Variants in CELF4 observed in about 807,000 individuals in gnomAD.
The protein encoded by CELF4 is CUG-BP- and ETR-3-like factor 4.
CELF4 carries 18 observed loss-of-function variants against 59.9 expected under a neutral mutation model. The observed-to-expected ratio is 0.30, with a 90% CI of 0.21 to 0.45. The LOEUF (loss-of-function observed/expected upper bound fraction) is 0.45. CELF4 is among the 20% of genes least tolerant of loss of function. The probability of loss-of-function intolerance (pLI) is 1.00; values close to 1 mark genes in which losing one functional copy is unlikely to be tolerated. For synonymous variants in CELF4, 261 were observed against 267.1 expected (o/e 0.98, Z 0.22); for missense variants, 456 against 689.0 (o/e 0.66, Z 3.79).
intron 2 of CELF4, among the ~76,000 whole-genome samples, chr18:37,437,881 C>T (rs965610116): frequency 2.0e-5 from 3 of 152,152 alleles, no homozygotes; most frequent in Admixed American, 6.5e-5. Flanking sequence ...TATGTTGAAA[C>T]CTGTATTGGG....
intron 2 of CELF4, among the ~76,000 whole-genome samples, chr18:37,343,091 G>A (rs961365056): frequency 1.3e-5 from 2 of 152,340 alleles, no homozygotes; most frequent in African/African-American, 4.8e-5. Context: ...AATCGCTGGT[G>A]TGCTAAGAAC....
At chr18:37,342,266 C>CAT (rs1557291629) in intron 2 of CELF4, among the ~76,000 whole-genome samples, 4 of 151,550 alleles carry the variant, frequency 2.6e-5, no homozygotes, top group Non-Finnish European at 5.9e-5. Context: ...CACACACACA[C>CAT]GCTGGGCACA....
At chr18:37,446,242 A>G (rs553875113) in intron 2 of CELF4, among the ~76,000 whole-genome samples, 2 of 152,298 alleles carry the variant, frequency 1.3e-5, no homozygotes, top group South Asian at 4.1e-4. Flanking sequence ...TTGAACCCTC[A>G]TTACCCATGT....
At position 37,404,097 on chromosome 18, in the gene CELF4, T is replaced by A. The variant is rs1484187095; in HGVS notation, c.369+81428A>T. Among the ~76,000 whole-genome samples, 5 of 152,194 alleles carry A rather than the reference T, an allele frequency of 3.3e-5. No homozygotes were observed. The East Asian group carries it at 9.6e-4, about 29-fold the overall frequency. On this transcript the variant is annotated intron_variant, in intron 2 of 12. Coordinates refer to ENST00000420428, the MANE Select transcript of CELF4 (RefSeq NM_020180.4). ...TCTGGGGCCCGGCCAGGCCTTCACA[T>A]GCCTTGTCACAGTTACTCCTCAAAC...
intron 2 of CELF4, among the ~76,000 whole-genome samples, chr18:37,482,669 A>G (rs780936185): frequency 1.3e-5 from 2 of 152,074 alleles, no homozygotes; most frequent in South Asian, 2.1e-4. Context: ...CAGGCCTCCA[A>G]TGAAGACATG....
chr18:37,469,136 C>A (rs929596890), intron 2 of CELF4, among the ~76,000 whole-genome samples: 3 of 152,138 alleles, frequency 2.0e-5, no homozygotes, highest in African/African-American at 7.2e-5. Flanking sequence ...ACTGTGTCAA[C>A]TTTTAGGGAG....
chr18:37,347,389 A>T (rs1347863155), intron 2 of CELF4, among the ~76,000 whole-genome samples: 53 of 152,114 alleles, frequency 3.5e-4, no homozygotes, highest in African/African-American at 1.2e-3. Flanking sequence ...CCCTGGGCCA[A>T]TTATTCATTT....
At chr18:37,312,954 T>C (rs1293215243) in intron 3 of CELF4, among the ~76,000 whole-genome samples, 1 of 152,074 alleles carries the variant, frequency 6.6e-6, no homozygotes, top group East Asian at 1.9e-4. Context: ...CCAAAACACA[T>C]ATACAGGGGC....
At chr18:37,564,986 C>T (rs1044492129) in intron 1 of CELF4, among the ~76,000 whole-genome samples, 1 of 152,124 alleles carries the variant, frequency 6.6e-6, no homozygotes, top group African/African-American at 2.4e-5. Context: ...GGCCAGGAGC[C>T]CGCGAGTCCG....
chr18:37,347,118 C>A (rs1295784787), intron 2 of CELF4, among the ~76,000 whole-genome samples: 1 of 152,098 alleles, frequency 6.6e-6, no homozygotes, highest in East Asian at 1.9e-4. Flanking sequence ...GGCCCAAGCT[C>A]ACAAGAGCGA....
intron 12 of CELF4, among the ~76,000 whole-genome samples, chr18:37,252,329 T>A (rs2065988149): frequency 6.6e-6 from 1 of 152,150 alleles, no homozygotes; most frequent in South Asian, 2.1e-4. Context: ...GCTGTGACAC[T>A]GGACTGAGTG....
At chr18:37,551,493 C>T (rs2099983159) in intron 1 of CELF4, among the ~76,000 whole-genome samples, 1 of 152,200 alleles carries the variant, frequency 6.6e-6, no homozygotes, top group South Asian at 2.1e-4. Context: ...CAGTGTCACC[C>T]CAGGAAACTG....
At chr18:37,284,385 CT>C (rs1281328360) in intron 3 of CELF4, among the ~76,000 whole-genome samples, 2 of 152,194 alleles carry the variant, frequency 1.3e-5, no homozygotes, top group African/African-American at 4.8e-5. Flanking sequence ...GGCCTGGCCC[CT>C]CTCCTCTGAC....
chr18:37,310,625 C>T (rs1373878933), intron 3 of CELF4, among the ~76,000 whole-genome samples: 1 of 152,176 alleles, frequency 6.6e-6, no homozygotes, highest in Non-Finnish European at 1.5e-5. Context: ...TGGTTCATGC[C>T]GTCTCATCCC....
rs2061618318 is a variant in CELF4, at chr18:37,245,297, C to T, written c.*45-100G>A. 6.6e-6 allele frequency: 1 copy of T among 151,880 alleles called. No individual in the cohort carries two copies. Among genetic ancestry groups the T allele is most frequent in the Admixed American group, 6.6e-5 (1 of 15,258 alleles). The allele number at this position is 151,880 out of a possible 1,614,324, so 9.4% of individuals were successfully genotyped here. A position where few individuals can be genotyped will look rare whatever the true frequency, so the allele number is the denominator to read the frequency against. ...TGCCTCAGGGGCTAGGATGGGAGCT[C>T]TAGGGGATGGTGGGAGGGAAGGAAG... is the stretch of plus-strand genomic sequence containing the variant. On this transcript the variant is annotated intron_variant, in intron 12 of 12. Coordinates refer to ENST00000420428, the MANE Select transcript of CELF4 (RefSeq NM_020180.4). The surrounding 1 kb of genome is among the most constrained non-coding windows in gnomAD (Gnocchi z 4.1).
intron 2 of CELF4, among the ~76,000 whole-genome samples, chr18:37,406,973 A>T (rs1177016933): frequency 6.6e-6 from 1 of 152,212 alleles, no homozygotes; most frequent in East Asian, 1.9e-4. Context: ...TGTGTCTATC[A>T]TCCATCCAAG....
intron 3 of CELF4, chr18:37,305,656 C>T (rs974136614): frequency 2.0e-5 from 3 of 152,260 alleles, no homozygotes; most frequent in Admixed American, 6.5e-5. Flanking sequence ...CCTAAGTGCA[C>T]CACCCACCAG....
intron 3 of CELF4, among the ~76,000 whole-genome samples, chr18:37,303,308 T>C (rs773756130): frequency 1.3e-5 from 2 of 152,102 alleles, no homozygotes; most frequent in Non-Finnish European, 1.5e-5. Context: ...AGGGAGAGAT[T>C]AATATTTGAA....
At chr18:37,410,778 G>A (rs1402420805) in intron 2 of CELF4, among the ~76,000 whole-genome samples, 1 of 152,212 alleles carries the variant, frequency 6.6e-6, no homozygotes, top group African/African-American at 2.4e-5. Flanking sequence ...GGGCACACAA[G>A]CAGCCTGAGG....
Sources: allele counts gnomAD v4.1 joint callset (sites outside exome capture counted in the v4.1 genomes callset), GRCh38; gene constraint gnomAD v4.1.1; non-coding constraint Gnocchi (gnomAD v3.1); transcripts MANE v1.5; gene names NCBI Gene and HGNC (gene_info 2026-07-23, HGNC 2026-07-21).